The following CCDC122 variants were observed in gnomAD, a reference collection of about 807,000 sequenced individuals.
The protein encoded by CCDC122 is coiled-coil domain-containing protein 122.
CCDC122 carries 38 observed loss-of-function variants against 37.0 expected under a neutral mutation model. That is an observed-to-expected ratio of 1.03 (90% CI 0.79 to 1.35). CCDC122 has a LOEUF of 1.35. Ranked by LOEUF, CCDC122 falls within the 40% of genes most tolerant of loss-of-function variation. The probability of loss-of-function intolerance (pLI) is 0.00; values close to 1 mark genes in which losing one functional copy is unlikely to be tolerated. For missense variants in CCDC122, 305 were observed against 310.0 expected, an observed-to-expected ratio of 0.98 and a Z score of 0.12; for synonymous variants, 83 against 95.6, an observed-to-expected ratio of 0.87 and a Z score of 0.77.
chr13:43,840,047 G>C (rs896183441), intron 6 of CCDC122, among the ~76,000 whole-genome samples: 1 of 152,208 alleles, frequency 6.6e-6, no homozygotes, highest in Non-Finnish European at 1.5e-5. Flanking sequence ...AGCAGTCTAT[G>C]AGTGGTTGAA....
At chr13:43,833,651 A>G (rs1485347855), downstream of CCDC122, among the ~76,000 whole-genome samples, 1 of 152,168 alleles carries the variant, frequency 6.6e-6, no homozygotes, top group Non-Finnish European at 1.5e-5. Context: ...TGACTAAACA[A>G]TTGCAGGTAT....
chr13:43,864,405 T>C (rs1954208292), intron 4 of CCDC122, among the ~76,000 whole-genome samples: 2 of 152,116 alleles, frequency 1.3e-5, no homozygotes, highest in South Asian at 4.1e-4. Context: ...ATTTGGCCCA[T>C]GATTCTGATG....
chr13:43,835,690 G>A (rs985611098), downstream of CCDC122, among the ~76,000 whole-genome samples: 3 of 152,078 alleles, frequency 2.0e-5, no homozygotes, highest in Non-Finnish European at 2.9e-5. Flanking sequence ...CAAATATTTT[G>A]AATCTCAATA....
chr13:43,877,913 A>G (rs1230629660), intron 1 of CCDC122: 1 of 151,764 alleles, frequency 6.6e-6, no homozygotes, highest in East Asian at 1.9e-4. Flanking sequence ...TTTTTTTTTC[A>G]GTTGCACTTG....
Position 43,837,246 on chromosome 13 carries a change from C to T in CCDC122, c.*34G>A, listed in dbSNP as rs1953194403. On this transcript the variant is annotated 3_prime_UTR_variant, in exon 7 of 7. Transcript: ENST00000444614. ...TGTTCTGTCCAGTAATTTTTGTTGT[C>T]ATGGTCTGTGTTCCACATTGCCCTA... 2.5e-6 allele frequency: 4 copies of T among 1,586,594 alleles called. No individual in the cohort carries two copies. Among genetic ancestry groups the T allele is most frequent in the Middle Eastern group, 3.4e-4 (2 of 5,944 alleles).
intron 4 of CCDC122, among the ~76,000 whole-genome samples, chr13:43,865,129 T>G (rs61959960): frequency 0.16 from 24,729 of 152,102 alleles, 2,118 homozygotes; most frequent in Middle Eastern, 0.2. Context: ...TCCTGAGTTG[T>G]GTCCTTTATA....
chr13:43,820,350 T>C (rs1311634095), downstream of CCDC122, among the ~76,000 whole-genome samples: 8 of 152,200 alleles, frequency 5.3e-5, no homozygotes, highest in Non-Finnish European at 4.4e-5. Flanking sequence ...AGCTCCACGG[T>C]AAAGTAGCAG....
In CCDC122 at chr13:43,842,373, A is replaced by G. The variant is rs180968102; in HGVS notation, c.673-4944T>C. Among the ~76,000 whole-genome samples the G allele has an allele frequency of 9.3e-3, 1,422 of 152,164 alleles. 7 individuals are homozygous for G. Among genetic ancestry groups the G allele is most frequent in the Middle Eastern group, 0.024 (7 of 294 alleles). On this transcript the variant is annotated intron_variant, in intron 6 of 6. Coordinates refer to ENST00000444614, the MANE Select transcript of CCDC122 (RefSeq NM_144974.5). ...AAAATATGATTAATTTCTGAACTCT[A>G]TTCTGTTCCATTGGTCTATTTATTC... is the stretch of plus-strand genomic sequence containing the variant.
At chr13:43,849,010 A>G (rs1398768340) in intron 6 of CCDC122, 1 of 958,060 alleles carries the variant, frequency 1.0e-6, no homozygotes, top group African/African-American at 1.8e-5. Flanking sequence ...TCATGGAATA[A>G]ATAAAATTAT....
downstream of CCDC122, among the ~76,000 whole-genome samples, chr13:43,835,115 G>A (rs945588995): frequency 2.0e-5 from 3 of 151,994 alleles, no homozygotes; most frequent in African/African-American, 4.8e-5. Flanking sequence ...ATACACCATG[G>A]AATACTATGC....
chr13:43,849,826 G>A lies in CCDC122; in HGVS notation c.672+8955C>T, dbSNP rs564982618. On this transcript the variant is annotated intron_variant, in intron 6 of 6. Coordinates refer to ENST00000444614, the MANE Select transcript of CCDC122 (RefSeq NM_144974.5). ...ATCCCTCTGCTGGTGCACTCTCAGGGAAAGCTAACTAAGGAGCCAGGAGTT... is the reference window on the plus strand; with the variant it reads ...ATCCCTCTGCTGGTGCACTCTCAGGAAAAGCTAACTAAGGAGCCAGGAGTT... Among the ~76,000 whole-genome samples the A allele has an allele frequency of 1.5e-4, 23 of 152,302 alleles. No individual in the cohort carries two copies. In the South Asian group the frequency reaches 3.5e-3, roughly 23 times the overall value.
chr13:43,868,455 T>A (rs1199260274), intron 4 of CCDC122, among the ~76,000 whole-genome samples: 1 of 152,128 alleles, frequency 6.6e-6, no homozygotes, highest in Non-Finnish European at 1.5e-5. Context: ...CTATCTAACA[T>A]GTTAGGTTTT....
chr13:43,839,968 G>A (rs1035660316), intron 6 of CCDC122, among the ~76,000 whole-genome samples: 3 of 152,212 alleles, frequency 2.0e-5, no homozygotes, highest in Non-Finnish European at 4.4e-5. Context: ...GGAATTGGAA[G>A]TGAGGTCAGA....
chr13:43,867,537 T>C (rs1405021951), intron 4 of CCDC122, among the ~76,000 whole-genome samples: 1 of 152,168 alleles, frequency 6.6e-6, no homozygotes, highest in Non-Finnish European at 1.5e-5. Flanking sequence ...TAGTGTTAAA[T>C]CTGTGTTGTG....
At chr13:43,867,262 G>A (rs981333804) in intron 4 of CCDC122, among the ~76,000 whole-genome samples, 4 of 151,954 alleles carry the variant, frequency 2.6e-5, no homozygotes, top group South Asian at 2.1e-4. Context: ...GTTTCTTATC[G>A]TGGTATAAAT....
downstream of CCDC122, among the ~76,000 whole-genome samples, chr13:43,832,149 A>G (rs962155595): frequency 6.6e-6 from 1 of 150,504 alleles, no homozygotes. Flanking sequence ...AAAAAAAACT[A>G]CTTCCCTTAG....
chr13:43,855,447 T>C (rs917448887), intron 6 of CCDC122: 2 of 151,640 alleles, frequency 1.3e-5, no homozygotes, highest in Non-Finnish European at 2.9e-5. Context: ...AGTAGAACTA[T>C]AAAATACTGC....
At chr13:43,871,066 G>A (rs1174085997) in intron 2 of CCDC122, among the ~76,000 whole-genome samples, 3 of 152,192 alleles carry the variant, frequency 2.0e-5, no homozygotes, top group East Asian at 1.9e-4. Context: ...CAAGTCCCGC[G>A]TATACTGTAT....
chr13:43,827,072 A>C (rs932393549), intron 3 of CCDC122, among the ~76,000 whole-genome samples: 1 of 152,160 alleles, frequency 6.6e-6, no homozygotes, highest in African/African-American at 2.4e-5. Context: ...TCTTTTAAAG[A>C]TGGAACACTT....
Sources: allele counts gnomAD v4.1 joint callset (sites outside exome capture counted in the v4.1 genomes callset), GRCh38; gene constraint gnomAD v4.1.1; transcripts MANE v1.5; gene names NCBI Gene and HGNC (gene_info 2026-07-23, HGNC 2026-07-21).